Variants in GHRL observed in about 807,000 individuals in gnomAD.
GHRL encodes the protein appetite-regulating hormone.
A neutral mutation model predicts 16.9 loss-of-function variants in GHRL; 24 were observed. The ratio of observed to expected loss-of-function variants is 1.42; its 90% CI spans 1.03 to 2.00. The LOEUF (loss-of-function observed/expected upper bound fraction) is 2.00. Ranked by LOEUF, GHRL falls within the 30% of genes most tolerant of loss-of-function variation. GHRL has a pLI of 0.00. For missense variants in GHRL, 193 were observed against 142.1 expected (o/e 1.36, Z -1.82); for synonymous variants, 63 against 58.2 (o/e 1.08, Z -0.37).
chr3:10,286,676 G>C, intron 5 of GHRL, 28 bp downstream of exon 5: 1 of 1,277,112 alleles, frequency 7.8e-7, no homozygotes, highest in Non-Finnish European at 1.1e-6. Flanking sequence ...CAAGGAAACC[G>C]AGCAAACCCA....
At chr3:10,288,664 T>C (rs941213485) in intron 4 of GHRL, among the ~76,000 whole-genome samples, 2 of 152,324 alleles carry the variant, frequency 1.3e-5, no homozygotes, top group South Asian at 4.1e-4. Flanking sequence ...CTGGTGAGGA[T>C]GAAAGCGAGC....
chr3:10,290,420 G>T, intron 2 of GHRL: 1 of 527,788 alleles, frequency 1.9e-6, no homozygotes, highest in Non-Finnish European at 3.4e-6. Context: ...ACACCTGGCA[G>T]CAGGACTTGA....
At chr3:10,287,057 C>T (rs1699193649) in intron 4 of GHRL, 1 of 361,624 alleles carries the variant, frequency 2.8e-6, no homozygotes, top group Non-Finnish European at 5.1e-6. Flanking sequence ...CAGCCTTAGC[C>T]TCTAATGGGA....
intron 4 of GHRL, 76 bp from the exon 5 acceptor site, chr3:10,286,888 T>G (rs1699165974): frequency 3.6e-6 from 3 of 840,178 alleles, no homozygotes; most frequent in East Asian, 5.2e-5. Context: ...GGCTCTGGGC[T>G]CTCTGCCTCT....
At chr3:10,290,534 G>A (rs545117819) in intron 2 of GHRL, among the ~76,000 whole-genome samples, 182 bp downstream of exon 2, 11 of 152,254 alleles carry the variant, frequency 7.2e-5, no homozygotes, top group Admixed American at 2.0e-4. Context: ...AGGGCCCCAG[G>A]GCACTCAGCA....
chr3:10,290,680 G>A, intron 2 of GHRL, 36 bp downstream of exon 2: 1 of 1,001,996 alleles, frequency 1.0e-6, no homozygotes, highest in Non-Finnish European at 1.2e-6. Flanking sequence ...CAATAAACCT[G>A]TCAGCAAACG....
At chr3:10,292,622 A>G in intron 1 of GHRL, 1 of 532,938 alleles carries the variant, frequency 1.9e-6, no homozygotes, top group Non-Finnish European at 3.3e-6. Flanking sequence ...GCATGTCACC[A>G]GGAGGTCTTC....
chr3:10,286,758 G>A lies in GHRL; in HGVS notation c.280C>T (p.His94Tyr), dbSNP rs377110254. 4 of 1,613,454 alleles carry A rather than the reference G, an allele frequency of 2.5e-6. No individual in the cohort carries two copies. The highest frequency in any genetic ancestry group is 2.2e-5 in the South Asian group (2 of 91,064). ...IKLSGVQYQQ[H>Y]SQALGKFLQD... ...AGAAACTTCCCCAGGGCCTGGCTGT[G>A]CTGCTGGTACTGAACCCCTGACAGC... Residue 94 changes from histidine (H) to tyrosine (Y), a missense_variant, in exon 5 of 6, where the codon CAC (histidine) becomes TAC (tyrosine). Physicochemically the swap from His to Tyr is moderately conservative, Grantham distance 83. Coordinates refer to ENST00000335542, the MANE Select transcript of GHRL (RefSeq NM_016362.5).
intron 5 of GHRL, among the ~76,000 whole-genome samples, chr3:10,286,141 C>T (rs989805061): frequency 2.0e-5 from 3 of 152,284 alleles, no homozygotes; most frequent in East Asian, 1.9e-4. Context: ...CCAGGGGTGA[C>T]GGGTCACCGC....
In GHRL at chr3:10,286,801, G is replaced by A; in HGVS notation, c.237C>T (p.Pro79=). Reference sequence around the variant, plus strand: ...CTGACAGCTTGATTCCAACATCAAAGGGGGCGTTGAACTAGGAGGCAGGGC... The same window carrying A: ...CTGACAGCTTGATTCCAACATCAAAAGGGGCGTTGAACTAGGAGGCAGGGC... ...EDELEVRFNA[P]FDVGIKLSGV... The change falls in exon 5 of 6, where the codon CCC becomes CCT. Residue 79 remains proline, a synonymous_variant. Coordinates refer to ENST00000335542, the MANE Select transcript of GHRL (RefSeq NM_016362.5). 1 of 1,608,928 alleles carries A rather than the reference G, an allele frequency of 6.2e-7. No individual in the cohort carries two copies. Among genetic ancestry groups the A allele is most frequent in the Non-Finnish European group, 8.5e-7 (1 of 1,175,330 alleles).
rs26312 is a variant in GHRL at position 10,291,174 on chromosome 3, G to A, written c.-488C>T. On this transcript the variant is annotated 5_prime_UTR_variant, in exon 2 of 6. Coordinates refer to ENST00000335542, the MANE Select transcript of GHRL (RefSeq NM_016362.5). ...ATGTGCTGTTGCTGCTCTGGCCTCTGTGAGCCCCGGGAGTCCGCAGGGAGC... is the reference window on the plus strand; with the variant it reads ...ATGTGCTGTTGCTGCTCTGGCCTCTATGAGCCCCGGGAGTCCGCAGGGAGC... 0.13 allele frequency: 129,137 copies of A among 985,506 alleles called. 9,391 individuals carry two copies. Among genetic ancestry groups the A allele is most frequent in the East Asian group, 0.42 (3,677 of 8,812 alleles). 61.0% of individuals were successfully genotyped at this position (985,506 alleles called of 1,614,324 possible).
Position 10,289,728 on chromosome 3 carries a change from T to G in GHRL, c.225+34A>C, listed in dbSNP as rs201877239. 3 of 1,314,096 alleles carry G rather than the reference T, an allele frequency of 2.3e-6. No homozygotes were observed. The East Asian group carries it at 6.9e-5, about 30-fold the overall frequency. 81.4% of individuals were successfully genotyped at this position (1,314,096 alleles called of 1,614,324 possible). A position where few individuals can be genotyped will look rare whatever the true frequency, so the allele number is the denominator to read the frequency against. On this transcript the variant is annotated intron_variant, in intron 4 of 5. Coordinates refer to ENST00000335542, the MANE Select transcript of GHRL (RefSeq NM_016362.5). ...TCTCCCCTGACCCCACCCTCCTCGC[T>G]GCCACAGAAGCATAAAACTGCAGAG... is the stretch of plus-strand genomic sequence containing the variant.
At chr3:10,286,540 C>T (rs752806777) in intron 5 of GHRL, among the ~76,000 whole-genome samples, 164 bp downstream of exon 5, 1 of 152,222 alleles carries the variant, frequency 6.6e-6, no homozygotes, top group African/African-American at 2.4e-5. Context: ...CCCTTCTGAG[C>T]CACTCACAAA....
At chr3:10,289,960 G>A in intron 3 of GHRL, 82 bp from the exon 4 acceptor site, 1 of 1,501,784 alleles carries the variant, frequency 6.7e-7, no homozygotes, top group Non-Finnish European at 9.2e-7. Context: ...AGAGTCCTTT[G>A]TGCTCTGGGA....
chr3:10,290,313 G>A lies in GHRL; in HGVS notation c.-29-104C>T, dbSNP rs186245596. 2.0e-3 allele frequency: 2,255 copies of A among 1,123,836 alleles called. 5 individuals carry two copies. The highest frequency in any genetic ancestry group is 2.6e-3 in the Non-Finnish European group (2,038 of 789,434). 69.6% of individuals were successfully genotyped at this position (1,123,836 alleles called of 1,614,324 possible). A position where few individuals can be genotyped will look rare whatever the true frequency, so the allele number is the denominator to read the frequency against. The stretch of plus-strand genomic sequence containing the variant: ...ATGGCGTGAAGGGCTTTACCATCTG[G>A]GGTCCTGACTGCTGTGTAGAGAGGA... On this transcript the variant is annotated intron_variant, in intron 2 of 5. Transcript: ENST00000335542.
At position 10,291,427 on chromosome 3, in the gene GHRL, C is replaced by T. The variant is rs1699998956; in HGVS notation, c.-741G>A. The T allele has an allele frequency of 2.0e-6, 2 of 985,434 alleles. No individual in the cohort carries two copies. Among genetic ancestry groups the T allele is most frequent in the African/African-American group, 1.7e-5 (1 of 57,254 alleles). 61.0% of individuals were successfully genotyped at this position (985,434 alleles called of 1,614,324 possible). A position where few individuals can be genotyped will look rare whatever the true frequency, so the allele number is the denominator to read the frequency against. ...TTGGTCCCTATTTTAGCGGATGCCTCTTCTGAGAGGGAAGTGCATTGGACC... is the reference window on the plus strand; with the variant it reads ...TTGGTCCCTATTTTAGCGGATGCCTTTTCTGAGAGGGAAGTGCATTGGACC... On this transcript the variant is annotated 5_prime_UTR_variant, in exon 2 of 6. Transcript: ENST00000335542.
At chr3:10,292,680 C>CGTAT in intron 1 of GHRL, 162 bp downstream of exon 1, 1 of 588,088 alleles carries the variant, frequency 1.7e-6, no homozygotes, top group South Asian at 2.2e-5. Flanking sequence ...GCCCTGGAGC[C>CGTAT]CAGAGAGGCT....
chr3:10,286,863 C>T (rs1213686069), intron 4 of GHRL, 51 bp from the exon 5 acceptor site: 3 of 1,094,736 alleles, frequency 2.7e-6, no homozygotes, highest in South Asian at 2.5e-5. Flanking sequence ...TCATGCCCAT[C>T]CCCATCTCAA....
intron 5 of GHRL, among the ~76,000 whole-genome samples, chr3:10,286,152 C>T (rs1203700196): frequency 1.3e-5 from 2 of 152,204 alleles, no homozygotes; most frequent in Non-Finnish European, 2.9e-5. Flanking sequence ...GGGTCACCGC[C>T]TTGGTGAGGA....
Sources: allele counts gnomAD v4.1 joint callset (sites outside exome capture counted in the v4.1 genomes callset), GRCh38; gene constraint gnomAD v4.1.1; transcripts MANE v1.5; gene names NCBI Gene and HGNC (gene_info 2026-07-23, HGNC 2026-07-21).